The following SNX29 variants were observed in gnomAD, a reference collection of about 807,000 sequenced individuals.
SNX29 encodes sorting nexin 29.
A neutral mutation model predicts 102.1 loss-of-function variants in SNX29; 78 were observed. The ratio of observed to expected loss-of-function variants is 0.76; its 90% CI spans 0.64 to 0.92. The LOEUF is 0.92. Among genes scored for constraint, SNX29 ranks in the 40% least tolerant of loss-of-function variants. The pLI, the probability that SNX29 is intolerant of heterozygous loss-of-function variation, is 0.00. For synonymous variants in SNX29, 580 were observed against 414.5 expected (o/e 1.40, Z -4.85); for missense variants, 1,280 against 1,061.7 (o/e 1.21, Z -2.86).
chr16:12,388,099 A>G (rs902845525), intron 16 of SNX29, among the ~76,000 whole-genome samples: 14 of 152,208 alleles, frequency 9.2e-5, no homozygotes, highest in African/African-American at 3.4e-4. Context: ...CTTTCGAGGC[A>G]CCGCCTTTTG....
intron 13 of SNX29, among the ~76,000 whole-genome samples, chr16:12,136,741 A>G (rs350283): frequency 0.44 from 66,910 of 151,456 alleles, 16,175 homozygotes; most frequent in East Asian, 0.7. Context: ...TTTTGTTGTT[A>G]TTGTTGTTGT....
chr16:12,136,601 G>A (rs1274087210), intron 13 of SNX29, among the ~76,000 whole-genome samples: 1 of 152,220 alleles, frequency 6.6e-6, no homozygotes, highest in Admixed American at 6.5e-5. Flanking sequence ...CGCCCTCTGC[G>A]CACTGGTGTC....
At chr16:12,504,855 A>G (rs1001438348) in intron 19 of SNX29, among the ~76,000 whole-genome samples, 9 of 152,262 alleles carry the variant, frequency 5.9e-5, no homozygotes, top group East Asian at 5.8e-4. Context: ...TCCTGTGGAT[A>G]AGCGGGACCA....
intron 18 of SNX29, among the ~76,000 whole-genome samples, chr16:12,440,169 C>T (rs1373967510): frequency 6.6e-6 from 1 of 152,228 alleles, no homozygotes; most frequent in Non-Finnish European, 1.5e-5. Context: ...CACATCCTCC[C>T]TCCCCTTGCC....
At chr16:12,308,862 G>C (rs934877467) in intron 15 of SNX29, among the ~76,000 whole-genome samples, 2 of 152,198 alleles carry the variant, frequency 1.3e-5, no homozygotes, top group African/African-American at 2.4e-5. Flanking sequence ...GATTATGTAA[G>C]CTGTCCGTTA....
At chr16:12,148,739 C>T (rs2055170625) in intron 13 of SNX29, among the ~76,000 whole-genome samples, 1 of 151,962 alleles carries the variant, frequency 6.6e-6, no homozygotes, top group African/African-American at 2.4e-5. Context: ...CTCTTGTTGC[C>T]CAGGCTGGAG....
intron 1 of SNX29, among the ~76,000 whole-genome samples, chr16:11,997,589 C>G (rs2056127991): frequency 6.6e-6 from 1 of 151,986 alleles, no homozygotes; most frequent in Non-Finnish European, 1.5e-5. Context: ...GTGATCCTTC[C>G]ACTTCTGCCT....
chr16:12,417,446 A>G (rs923249897), intron 18 of SNX29, among the ~76,000 whole-genome samples: 11 of 152,120 alleles, frequency 7.2e-5, no homozygotes, highest in African/African-American at 2.7e-4. Flanking sequence ...CACATCAGGG[A>G]GGGAGATGAG....
At chr16:12,030,359 A>G (rs149228235) in intron 4 of SNX29, among the ~76,000 whole-genome samples, 2 of 152,286 alleles carry the variant, frequency 1.3e-5, no homozygotes, top group East Asian at 3.9e-4. Context: ...GTCAGTCTCC[A>G]AAACTGAATT....
intron 16 of SNX29, among the ~76,000 whole-genome samples, chr16:12,397,360 C>T (rs1408660084): frequency 6.6e-6 from 1 of 152,160 alleles, no homozygotes; most frequent in East Asian, 1.9e-4. Context: ...TGGACAGATC[C>T]ATTTCCTAGA....
At chr16:12,032,621 A>T (rs1220554000) in intron 4 of SNX29, among the ~76,000 whole-genome samples, 1 of 152,046 alleles carries the variant, frequency 6.6e-6, no homozygotes, top group Non-Finnish European at 1.5e-5. Flanking sequence ...TGTGAATGGT[A>T]CTGCTGTGAA....
At chr16:12,383,287 C>G (rs1213595381) in intron 16 of SNX29, among the ~76,000 whole-genome samples, 1 of 152,098 alleles carries the variant, frequency 6.6e-6, no homozygotes, top group East Asian at 1.9e-4. Context: ...TTGCCAAGCA[C>G]TGGGATAGGT....
chr16:12,244,940 A>G (rs2078216892), intron 14 of SNX29, among the ~76,000 whole-genome samples: 1 of 152,188 alleles, frequency 6.6e-6, no homozygotes, highest in Non-Finnish European at 1.5e-5. Flanking sequence ...TGTTTTGGCA[A>G]TTTATTAGCA....
chr16:12,296,193 T>C (rs965316825), intron 15 of SNX29, among the ~76,000 whole-genome samples: 5 of 152,256 alleles, frequency 3.3e-5, no homozygotes, highest in African/African-American at 1.2e-4. Flanking sequence ...TCAGTTTCTC[T>C]GTAAATATCA....
intron 18 of SNX29, among the ~76,000 whole-genome samples, chr16:12,464,591 C>T (rs576745112): frequency 6.6e-6 from 1 of 152,002 alleles, no homozygotes; most frequent in South Asian, 2.1e-4. Context: ...GTAGCTGGGA[C>T]TTACAGGCAT....
chr16:12,087,453 T>C, intron 11 of SNX29: 1 of 194,728 alleles, frequency 5.1e-6, no homozygotes, highest in South Asian at 9.8e-5. Flanking sequence ...AAAAATTAGC[T>C]GGTCATGGTG....
intron 19 of SNX29, among the ~76,000 whole-genome samples, chr16:12,505,995 C>G (rs570404199): frequency 1.3e-5 from 2 of 152,328 alleles, no homozygotes; most frequent in East Asian, 1.9e-4. Context: ...GAGTCTCGCT[C>G]TGTCACCCAG....
chr16:12,531,354 C>T (rs147981957), intron 20 of SNX29, among the ~76,000 whole-genome samples: 31 of 152,276 alleles, frequency 2.0e-4, no homozygotes, highest in Middle Eastern at 3.4e-3. Context: ...CCGAAGAGCA[C>T]GCCAGGACTG....
At position 12,571,557 on chromosome 16, in the gene SNX29, A is replaced by T; in HGVS notation, c.*2928A>T. 1 of 994,754 alleles carries T rather than the reference A, an allele frequency of 1.0e-6. No homozygotes were observed. Among genetic ancestry groups the T allele is most frequent in the Non-Finnish European group, 1.2e-6 (1 of 815,666 alleles). 61.6% of individuals were successfully genotyped at this position (994,754 alleles called of 1,614,324 possible). A position where few individuals can be genotyped will look rare whatever the true frequency, so the allele number is the denominator to read the frequency against. On this transcript the variant is annotated 3_prime_UTR_variant, in exon 21 of 21. Coordinates refer to ENST00000566228, the MANE Select transcript of SNX29 (RefSeq NM_032167.5). ...CCCTTTGCTGGGAGGAAGAATCCAC[A>T]CCGAATCCTTCTGTCTTCATGGCCT... is the stretch of plus-strand genomic sequence containing the variant.
Sources: gnomAD v4.1 joint callset for allele counts (sites outside exome capture counted in the v4.1 genomes callset) on GRCh38, gnomAD v4.1.1 for gene constraint, MANE v1.5 for transcripts, NCBI Gene and HGNC (gene_info 2026-07-23, HGNC 2026-07-21) for gene names.